Variants in WDTC1 observed in about 807,000 individuals in gnomAD.
WDTC1 encodes the protein WD and tetratricopeptide repeats 1, also known as WD and tetratricopeptide repeats protein 1.
A neutral mutation model predicts 76.0 loss-of-function variants in WDTC1; 12 were observed. The observed-to-expected ratio is 0.16, with a 90% CI of 0.10 to 0.26. The LOEUF is 0.26. Ranked by LOEUF, WDTC1 falls within the 10% of genes least tolerant of loss-of-function variation. The probability of loss-of-function intolerance (pLI) is 1.00; values close to 1 mark genes in which losing one functional copy is unlikely to be tolerated. For missense variants in WDTC1, 511 were observed against 908.8 expected, an observed-to-expected ratio of 0.56 and a Z score of 5.63; for synonymous variants, 326 against 350.8, an observed-to-expected ratio of 0.93 and a Z score of 0.79.
intron 1 of WDTC1, among the ~76,000 whole-genome samples, chr1:27,256,934 T>G (rs1486562496): frequency 6.6e-6 from 1 of 152,212 alleles, no homozygotes; most frequent in African/African-American, 2.4e-5. Flanking sequence ...CGATCTCGTC[T>G]CACTGCAAGC....
At position 27,305,104 on chromosome 1, in the gene WDTC1, G is replaced by A; in HGVS notation, c.1747G>A (p.Val583Ile). The change falls in exon 15 of 16, where the codon GTC becomes ATC. Residue 583 changes from valine (V) to isoleucine (I), a missense_variant. By Grantham distance (29) the Val-to-Ile change is conservative. Coordinates refer to ENST00000319394, the MANE Select transcript of WDTC1 (RefSeq NM_001276252.2). This position sits in a 1 kb window ranked among gnomAD's most constrained non-coding sequence, Gnocchi z 4.6. ...TGTGCTCCAAGGGGATGAGTCCATTGTCAACTGCCTGCAGCCACACCCCAG... is the reference window on the plus strand; with the variant it reads ...TGTGCTCCAAGGGGATGAGTCCATTATCAACTGCCTGCAGCCACACCCCAG... ...VRVLQGDESIVNCLQPHPSYC... is the reference protein window; with the variant it reads ...VRVLQGDESIINCLQPHPSYC... The A allele has an allele frequency of 6.2e-7, 1 of 1,614,020 alleles. No homozygotes were observed. The highest frequency in any genetic ancestry group is 8.5e-7 in the Non-Finnish European group (1 of 1,179,972).
chr1:27,253,043 C>G (rs1486825337), intron 1 of WDTC1, among the ~76,000 whole-genome samples: 1 of 135,930 alleles, frequency 7.4e-6, no homozygotes, highest in Admixed American at 7.7e-5. Context: ...GAGTCTCACT[C>G]TGTCACCCAG....
chr1:27,294,813 T>C (rs997442413), intron 9 of WDTC1, among the ~76,000 whole-genome samples, 184 bp downstream of exon 9: 2 of 152,220 alleles, frequency 1.3e-5, no homozygotes, highest in African/African-American at 2.4e-5. Context: ...TAGCTCAGTC[T>C]TTTTATTTCA....
At chr1:27,304,675 C>G in intron 14 of WDTC1, 1 of 201,988 alleles carries the variant, frequency 5.0e-6, no homozygotes, top group South Asian at 1.5e-4. Flanking sequence ...ATGCCAGAAG[C>G]CTGGAACTGC....
intron 3 of WDTC1, 119 bp from the exon 4 acceptor site, chr1:27,282,120 C>A: frequency 1.0e-6 from 1 of 983,792 alleles, no homozygotes; most frequent in Non-Finnish European, 1.6e-6. Flanking sequence ...CTCACATGCA[C>A]TTGGAAAATA....
chr1:27,269,840 G>A (rs1160826073), intron 3 of WDTC1, among the ~76,000 whole-genome samples: 1 of 151,884 alleles, frequency 6.6e-6, no homozygotes, highest in Non-Finnish European at 1.5e-5. Context: ...TTGAACGCCT[G>A]ACCTTGTGAT....
Position 27,261,018 on chromosome 1 carries a change from C to A in WDTC1, c.-37C>A, listed in dbSNP as rs1220766817. 1 of 1,613,068 alleles carries A rather than the reference C, an allele frequency of 6.2e-7. No homozygotes were observed. The highest frequency in any genetic ancestry group is 8.5e-7 in the Non-Finnish European group (1 of 1,179,254). ...GGAATGCTCAGGGGTCCTGAAGATC[C>A]TATTATAGCTTCCTTCTGTTGAACC... On this transcript the variant is annotated 5_prime_UTR_variant, in exon 2 of 16. Coordinates refer to ENST00000319394, the MANE Select transcript of WDTC1 (RefSeq NM_001276252.2).
chr1:27,240,258 C>T (rs2011589287), intron 1 of WDTC1, among the ~76,000 whole-genome samples: 1 of 152,074 alleles, frequency 6.6e-6, no homozygotes, highest in Non-Finnish European at 1.5e-5. Flanking sequence ...ACCATTATCC[C>T]CACTTTACAA....
rs144990851 is a variant in WDTC1 at position 27,294,091 on chromosome 1, C to T, written c.732C>T (p.Asp244=). ...GTGACCGGCAGAAACCCCTTCCGGA[C>T]GGTGCAGCCCAGTATTACGTAGCAG... is the stretch of plus-strand genomic sequence containing the variant. ...TFCDRQKPLP[D]GAAQYYVAGH... The change falls in exon 8 of 16, where the codon GAC becomes GAT. Residue 244 remains aspartate (D), a synonymous_variant. Coordinates refer to ENST00000319394, the MANE Select transcript of WDTC1 (RefSeq NM_001276252.2). 3.8e-5 allele frequency: 62 copies of T among 1,613,972 alleles called. No homozygotes were observed. Among genetic ancestry groups the T allele is most frequent in the Non-Finnish European group, 5.1e-5 (60 of 1,180,012 alleles).
chr1:27,273,914 G>T (rs2012948571), intron 3 of WDTC1, among the ~76,000 whole-genome samples: 1 of 152,004 alleles, frequency 6.6e-6, no homozygotes, highest in Admixed American at 6.6e-5. Context: ...TAGGTAAAAT[G>T]TATATATGGG....
At chr1:27,237,798 T>G (rs1570931203) in intron 1 of WDTC1, among the ~76,000 whole-genome samples, 1 of 146,274 alleles carries the variant, frequency 6.8e-6, no homozygotes, top group African/African-American at 2.5e-5. Context: ...GAGGTGGAGG[T>G]TGCGGTGAGC....
At chr1:27,284,785 T>A (rs1356922594) in intron 5 of WDTC1, among the ~76,000 whole-genome samples, 1 of 151,202 alleles carries the variant, frequency 6.6e-6, no homozygotes, top group Non-Finnish European at 1.5e-5. Context: ...AAAAACAACC[T>A]GAAAAGGATT....
chr1:27,280,141 C>A (rs1160176390), intron 3 of WDTC1, among the ~76,000 whole-genome samples: 1 of 152,138 alleles, frequency 6.6e-6, no homozygotes, highest in Non-Finnish European at 1.5e-5. Context: ...AATGGATTTT[C>A]AAGGGTAATT....
intron 1 of WDTC1, among the ~76,000 whole-genome samples, chr1:27,260,304 A>G (rs1285963282): frequency 6.6e-6 from 1 of 152,042 alleles, no homozygotes; most frequent in Non-Finnish European, 1.5e-5. Flanking sequence ...ACGGGGTTTC[A>G]CCATGTTAGC....
intron 1 of WDTC1, among the ~76,000 whole-genome samples, chr1:27,254,367 C>T (rs150568651): frequency 5.9e-5 from 9 of 152,200 alleles, no homozygotes; most frequent in East Asian, 1.9e-4. Context: ...GAAGTAAAGG[C>T]AGGTGGATCA....
chr1:27,269,191 A>G (rs12756449), intron 3 of WDTC1, among the ~76,000 whole-genome samples: 1 of 144,316 alleles, frequency 6.9e-6, no homozygotes, highest in Non-Finnish European at 1.5e-5. Flanking sequence ...AAAAAAAAAA[A>G]TCAGCTAGGT....
intron 1 of WDTC1, among the ~76,000 whole-genome samples, chr1:27,257,747 A>G (rs997957681): frequency 6.6e-6 from 1 of 151,984 alleles, no homozygotes; most frequent in African/African-American, 2.4e-5. Context: ...GCAATGCTGA[A>G]TGGTTTCATG....
chr1:27,273,451 G>A (rs2147948840), intron 3 of WDTC1, among the ~76,000 whole-genome samples: 1 of 152,026 alleles, frequency 6.6e-6, no homozygotes, highest in African/African-American at 2.4e-5. Context: ...CTCGTGATCT[G>A]CCTGCCTCAG....
At chr1:27,298,893 G>A (rs1200866304) in intron 12 of WDTC1, among the ~76,000 whole-genome samples, 2 of 152,152 alleles carry the variant, frequency 1.3e-5, no homozygotes, top group Non-Finnish European at 2.9e-5. Flanking sequence ...GCTGCAACTC[G>A]GCAGGCCAGA....
Sources: allele counts gnomAD v4.1 joint callset (sites outside exome capture counted in the v4.1 genomes callset), GRCh38; gene constraint gnomAD v4.1.1; non-coding constraint Gnocchi (gnomAD v3.1); transcripts MANE v1.5; gene names NCBI Gene and HGNC (gene_info 2026-07-23, HGNC 2026-07-21).